HIPK2: variants seen among roughly 807,000 people sequenced by gnomAD.
HIPK2 encodes homeodomain interacting protein kinase 2, also known as homeodomain-interacting protein kinase 2.
HIPK2 carries 27 observed loss-of-function variants against 113.7 expected under a neutral mutation model. The ratio of observed to expected loss-of-function variants is 0.24; its 90% CI spans 0.17 to 0.33. HIPK2 has a LOEUF of 0.33. Ranked by LOEUF, HIPK2 falls within the 10% of genes least tolerant of loss-of-function variation. HIPK2 has a pLI of 1.00. For synonymous variants in HIPK2, 631 were observed against 642.2 expected (o/e 0.98, Z 0.26); for missense variants, 1,257 against 1,588.0 (o/e 0.79, Z 3.54).
intron 2 of HIPK2, among the ~76,000 whole-genome samples, chr7:139,696,306 C>T (rs1278455678): frequency 6.6e-6 from 1 of 152,078 alleles, no homozygotes; most frequent in African/African-American, 2.4e-5. Context: ...GGCAGGGTGG[C>T]TCACATCTAT....
intron 6 of HIPK2, among the ~76,000 whole-genome samples, chr7:139,621,829 C>T (rs757294317): frequency 1.2e-4 from 18 of 146,468 alleles, no homozygotes; most frequent in African/African-American, 4.1e-4. Flanking sequence ...AGGCTGAGGT[C>T]GGAGAATCAC....
At chr7:139,689,305 C>T (rs1331892560) in intron 2 of HIPK2, among the ~76,000 whole-genome samples, 2 of 152,202 alleles carry the variant, frequency 1.3e-5, no homozygotes, top group Admixed American at 1.3e-4. Flanking sequence ...ATTCAATCAT[C>T]ACAATGAAGC....
At chr7:139,581,280 A>C (rs1304632586) in intron 13 of HIPK2, among the ~76,000 whole-genome samples, 1 of 152,114 alleles carries the variant, frequency 6.6e-6, no homozygotes, top group African/African-American at 2.4e-5. Context: ...GGTCTCCTGG[A>C]AATGGGACAC....
intron 6 of HIPK2, among the ~76,000 whole-genome samples, chr7:139,622,265 C>G (rs1800261325): frequency 6.6e-6 from 1 of 152,138 alleles, no homozygotes; most frequent in African/African-American, 2.4e-5. Context: ...CATTTACGGA[C>G]TGATGATGCT....
chr7:139,749,856 A>G (rs1025811137), intron 1 of HIPK2, among the ~76,000 whole-genome samples: 1 of 152,212 alleles, frequency 6.6e-6, no homozygotes, highest in Non-Finnish European at 1.5e-5. Context: ...CATCTTCACA[A>G]GGACAGAAGA....
chr7:139,716,007 T>C lies in HIPK2; in HGVS notation c.1028A>G (p.Lys343Arg). Reference protein sequence around the residue: ...VDPSRQPYRVKVIDFGSASHV... With the variant: ...VDPSRQPYRVRVIDFGSASHV... ...GCTGGCTGAACCAAAGTCGATGACC[T>C]TGACTCTGTATGGTTGTCTAGATGG... Residue 343 changes from lysine to arginine, a missense_variant, in exon 2 of 15, where the codon AAG becomes AGG. Transcript: ENST00000406875. This position sits in a 1 kb window ranked among gnomAD's most constrained non-coding sequence, Gnocchi z 9.3. The C allele has an allele frequency of 6.2e-7, 1 of 1,614,124 alleles. No homozygotes were observed. The highest frequency in any genetic ancestry group is 8.5e-7 in the Non-Finnish European group (1 of 1,180,006).
chr7:139,585,254 C>T (rs914503831), intron 12 of HIPK2, among the ~76,000 whole-genome samples: 2 of 152,196 alleles, frequency 1.3e-5, no homozygotes, highest in African/African-American at 4.8e-5. Flanking sequence ...CCAGGCTCTT[C>T]CCATGATGGA....
chr7:139,700,255 G>C (rs1333841961), intron 2 of HIPK2, among the ~76,000 whole-genome samples: 1 of 152,110 alleles, frequency 6.6e-6, no homozygotes, highest in East Asian at 1.9e-4. Flanking sequence ...CCCTCAACAC[G>C]CCTGCTTTCT....
intron 2 of HIPK2, among the ~76,000 whole-genome samples, chr7:139,644,457 G>C (rs1801139181): frequency 6.6e-6 from 1 of 152,254 alleles, no homozygotes; most frequent in Admixed American, 6.5e-5. Context: ...GCTGTGCTCT[G>C]CCACTGTGCT....
At chr7:139,761,980 G>A (rs1796472604) in intron 1 of HIPK2, among the ~76,000 whole-genome samples, 1 of 152,136 alleles carries the variant, frequency 6.6e-6, no homozygotes, top group Non-Finnish European at 1.5e-5. Context: ...TGTATGTGGA[G>A]TGTTTTGCTT....
At chr7:139,612,843 T>C (rs1799885531) in intron 9 of HIPK2, among the ~76,000 whole-genome samples, 1 of 152,198 alleles carries the variant, frequency 6.6e-6, no homozygotes, top group Non-Finnish European at 1.5e-5. Context: ...AACTCATTTC[T>C]ATTTTACAAG....
intron 7 of HIPK2, 61 bp downstream of exon 7, chr7:139,620,340 A>T (rs1187445794): frequency 4.4e-6 from 7 of 1,582,622 alleles, no homozygotes; most frequent in Non-Finnish European, 6.0e-6. Context: ...GATGGAAAAT[A>T]CAAGTCCTGA....
At chr7:139,747,547 G>C (rs975611709) in intron 1 of HIPK2, among the ~76,000 whole-genome samples, 8 of 152,224 alleles carry the variant, frequency 5.3e-5, no homozygotes, top group Non-Finnish European at 1.2e-4. Flanking sequence ...TTTGGGATCA[G>C]AGAAGGAACG....
intron 12 of HIPK2, among the ~76,000 whole-genome samples, chr7:139,595,513 C>G (rs562028448): frequency 2.0e-5 from 3 of 152,224 alleles, no homozygotes; most frequent in African/African-American, 7.2e-5. Flanking sequence ...ACCTGGGTCC[C>G]CTCTGACACC....
chr7:139,686,769 T>A (rs1020573461), intron 2 of HIPK2, among the ~76,000 whole-genome samples: 4 of 152,246 alleles, frequency 2.6e-5, no homozygotes, highest in African/African-American at 9.6e-5. Context: ...AACAGACTAA[T>A]ACAATATTCC....
In HIPK2 at chr7:139,565,497, C is replaced by G. The variant is rs1798063183; in HGVS notation, c.*7430G>C. The G allele has an allele frequency of 6.6e-6, 1 of 152,148 alleles. No homozygotes were observed. The highest frequency in any genetic ancestry group is 2.4e-5 in the African/African-American group (1 of 41,446). 9.4% of individuals were successfully genotyped at this position (152,148 alleles called of 1,614,324 possible). Reference sequence around the variant, plus strand: ...ATTAAAAATCTAGTCCTAAGCATTTCTACATTCTCACCATCTTTCAATCAA... The same window carrying G: ...ATTAAAAATCTAGTCCTAAGCATTTGTACATTCTCACCATCTTTCAATCAA... On this transcript the variant is annotated 3_prime_UTR_variant, in exon 15 of 15. Coordinates refer to ENST00000406875, the MANE Select transcript of HIPK2 (RefSeq NM_022740.5).
chr7:139,699,688 T>C (rs1341700649), intron 2 of HIPK2, among the ~76,000 whole-genome samples: 1 of 152,192 alleles, frequency 6.6e-6, no homozygotes, highest in African/African-American at 2.4e-5. Flanking sequence ...CCCTTCACCT[T>C]TGGTGATCTT....
intron 1 of HIPK2, among the ~76,000 whole-genome samples, chr7:139,727,586 T>A (rs933884615): frequency 6.6e-6 from 1 of 152,234 alleles, no homozygotes; most frequent in Admixed American, 6.5e-5. Flanking sequence ...TTTGTCAGAG[T>A]TACATGTTCA....
chr7:139,615,539 C>G (rs1209500476), intron 7 of HIPK2, among the ~76,000 whole-genome samples: 1 of 152,196 alleles, frequency 6.6e-6, no homozygotes, highest in African/African-American at 2.4e-5. Context: ...CTTTGGAATT[C>G]TCCAGTTTCC....
Sources: allele counts gnomAD v4.1 joint callset (sites outside exome capture counted in the v4.1 genomes callset), GRCh38; gene constraint gnomAD v4.1.1; non-coding constraint Gnocchi (gnomAD v3.1); transcripts MANE v1.5; gene names NCBI Gene and HGNC (gene_info 2026-07-23, HGNC 2026-07-21).